STOML2: variants seen among roughly 807,000 people sequenced by gnomAD.
STOML2 encodes stomatin-like protein 2, mitochondrial.
In STOML2, 22 loss-of-function variants were observed where a neutral mutation model predicts 45.7. The observed-to-expected ratio is 0.48, with a 90% CI of 0.34 to 0.69. STOML2 has a LOEUF of 0.69. Among genes scored for constraint, STOML2 ranks in the 30% least tolerant of loss-of-function variants. The pLI is 0.01. For synonymous variants in STOML2, 181 were observed against 182.7 expected, an observed-to-expected ratio of 0.99 and a Z score of 0.08; for missense variants, 359 against 466.9, an observed-to-expected ratio of 0.77 and a Z score of 2.13.
In STOML2 at chr9:35,100,609, T is replaced by C; in HGVS notation, c.922A>G (p.Met308Val). The change falls in exon 9 of 10, where the codon ATG becomes GTG. Residue 308 changes from methionine (M) to valine (V), a missense_variant. Met to Val is a conservative substitution (Grantham distance 21). This residue lies in a region of STOML2 where 285 missense variants were observed against 422.0 expected (regional missense o/e 0.68). Transcript: ENST00000356493. ...LPSNPGDVTS[M>V]VAQAMGVYGA... ...CAGAGAGCTCTAACCTGAGCCACCATGCTGGTGACATCGCCAGGGTTGGAG... is the reference window on the plus strand; with the variant it reads ...CAGAGAGCTCTAACCTGAGCCACCACGCTGGTGACATCGCCAGGGTTGGAG... 6.2e-7 allele frequency: 1 copy of C among 1,613,944 alleles called. No individual in the cohort carries two copies. The highest frequency in any genetic ancestry group is 8.5e-7 in the Non-Finnish European group (1 of 1,179,962).
At position 35,101,500 on chromosome 9, in the gene STOML2, C is replaced by A; in HGVS notation, c.505G>T (p.Gly169Cys). ...DAINQAADCWGIRCLRYEIKD... is the reference protein window; with the variant it reads ...DAINQAADCWCIRCLRYEIKD... ...ATCTCATAACGGAGGCAGCGGATAC[C>A]CCAGCAGTCAGCAGCTTGGTTGATG... Residue 169 changes from glycine (G) to cysteine (C), a missense_variant, in exon 6 of 10, where the codon GGT (glycine) becomes TGT (cysteine). Coordinates refer to ENST00000356493, the MANE Select transcript of STOML2 (RefSeq NM_013442.3). This position sits in a 1 kb window ranked among gnomAD's most constrained non-coding sequence, Gnocchi z 4.3. The A allele has an allele frequency of 6.2e-7, 1 of 1,614,062 alleles. No individual in the cohort carries two copies. The highest frequency in any genetic ancestry group is 8.5e-7 in the Non-Finnish European group (1 of 1,180,014).
chr9:35,101,448 A>C lies in STOML2; in HGVS notation c.557T>G (p.Val186Gly). Reference sequence around the variant, plus strand: ...CACCTGCATCTGCATAGACTCTTTCACCCGGGGTGGCACATGGATATCCTT... The same window carrying C: ...CACCTGCATCTGCATAGACTCTTTCCCCCGGGGTGGCACATGGATATCCTT... The part of the protein sequence containing the change: ...EIKDIHVPPR[V>G]KESMQMQVEA... Residue 186 changes from valine (V) to glycine (G), a missense_variant, in exon 6 of 10, where the codon GTG (valine) becomes GGG (glycine). This residue lies in a region of STOML2 where 285 missense variants were observed against 422.0 expected (regional missense o/e 0.68). Transcript: ENST00000356493. This position sits in a 1 kb window ranked among gnomAD's most constrained non-coding sequence, Gnocchi z 4.3. 6.2e-7 allele frequency: 1 copy of C among 1,613,644 alleles called. No individual in the cohort carries two copies. Among genetic ancestry groups the C allele is most frequent in the Non-Finnish European group, 8.5e-7 (1 of 1,179,954 alleles).
Position 35,102,571 on chromosome 9 carries a change from C to A in STOML2, c.183+115G>T. ...CAGCCTGGGCCCTGTCAGGTCTGGCCTACAGAGTCGGGAGCTAACAGTGCG... is the reference window on the plus strand; with the variant it reads ...CAGCCTGGGCCCTGTCAGGTCTGGCATACAGAGTCGGGAGCTAACAGTGCG... On this transcript the variant is annotated intron_variant, in intron 2 of 9. Transcript: ENST00000356493. The surrounding 1 kb of genome is among the most constrained non-coding windows in gnomAD (Gnocchi z 4.8). 6.6e-7 allele frequency: 1 copy of A among 1,512,588 alleles called. No individual in the cohort carries two copies. Among genetic ancestry groups the A allele is most frequent in the Admixed American group, 2.1e-5 (1 of 47,534 alleles). 93.7% of individuals were successfully genotyped at this position (1,512,588 alleles called of 1,614,324 possible).
chr9:35,101,196 C>A lies in STOML2; in HGVS notation c.663G>T (p.Lys221Asn). The change falls in exon 7 of 10, where the codon AAG becomes AAT. Residue 221 changes from lysine (K) to asparagine (N), a missense_variant. This residue lies in a region of STOML2 where 285 missense variants were observed against 422.0 expected (regional missense o/e 0.68). Transcript: ENST00000356493. The surrounding 1 kb of genome is among the most constrained non-coding windows in gnomAD (Gnocchi z 4.3). Reference protein sequence around the residue: ...RESAINVAEGKKQAQILASEA... With the variant: ...RESAINVAEGNKQAQILASEA... ...CGGAGGCCAGGATCTGGGCCTGTTTCTTCCCTTCTGCCACATTGATGGCCG... is the reference window on the plus strand; with the variant it reads ...CGGAGGCCAGGATCTGGGCCTGTTTATTCCCTTCTGCCACATTGATGGCCG... 6.2e-7 allele frequency: 1 copy of A among 1,614,244 alleles called. No individual in the cohort carries two copies. The highest frequency in any genetic ancestry group is 8.5e-7 in the Non-Finnish European group (1 of 1,180,046).
Position 35,101,844 on chromosome 9 carries a change from G to C in STOML2, c.343-33C>G. ...GGACACGGATAGTGTAAGAAGCTTG[G>C]GCACAAGATTTTAGTGAAGAGGGCA... On this transcript the variant is annotated intron_variant, in intron 4 of 9. Transcript: ENST00000356493. This position sits in a 1 kb window ranked among gnomAD's most constrained non-coding sequence, Gnocchi z 4.3. 1 of 1,614,062 alleles carries C rather than the reference G, an allele frequency of 6.2e-7. No homozygotes were observed. Among genetic ancestry groups the C allele is most frequent in the Non-Finnish European group, 8.5e-7 (1 of 1,179,982 alleles).
chr9:35,100,096 C>G lies in STOML2; in HGVS notation c.1010G>C (p.Arg337Thr). The G allele has an allele frequency of 6.2e-7, 1 of 1,614,198 alleles. No homozygotes were observed. Among genetic ancestry groups the G allele is most frequent in the Non-Finnish European group, 8.5e-7 (1 of 1,180,032 alleles). ...ACTTGCATCTGTACCCTGGACATCT[C>G]TGCTGCTCCCACTGGAGAGTGAGTC... ...TPDSLSSGSS[R>T]DVQGTDASLD... Residue 337 changes from arginine (R) to threonine (T), a missense_variant, in exon 10 of 10, where the codon AGA becomes ACA. This residue lies in a region of STOML2 where 285 missense variants were observed against 422.0 expected (regional missense o/e 0.68). Coordinates refer to ENST00000356493, the MANE Select transcript of STOML2 (RefSeq NM_013442.3).
intron 8 of STOML2, 74 bp from the exon 9 acceptor site, chr9:35,100,800 C>G: frequency 6.2e-7 from 1 of 1,612,556 alleles, no homozygotes; most frequent in Non-Finnish European, 8.5e-7. Flanking sequence ...ATGAAGAAAG[C>G]AGTTCACAAT....
At position 35,102,212 on chromosome 9, in the gene STOML2, G is replaced by T; in HGVS notation, c.184-18C>A. On this transcript the variant is annotated intron_variant, in intron 2 of 9. Coordinates refer to ENST00000356493, the MANE Select transcript of STOML2 (RefSeq NM_013442.3). The surrounding 1 kb of genome is among the most constrained non-coding windows in gnomAD (Gnocchi z 4.8). ...TTCAAACCCTGGAAAGAGGAGTCATGGGTCCTCAGAAGGCTGGGAACTATT... is the reference window on the plus strand; with the variant it reads ...TTCAAACCCTGGAAAGAGGAGTCATTGGTCCTCAGAAGGCTGGGAACTATT... 1 of 1,610,074 alleles carries T rather than the reference G, an allele frequency of 6.2e-7. No individual in the cohort carries two copies. The highest frequency in any genetic ancestry group is 1.1e-5 in the South Asian group (1 of 90,962).
intron 9 of STOML2, 145 bp downstream of exon 9, chr9:35,100,453 T>C: frequency 2.6e-6 from 3 of 1,151,156 alleles, no homozygotes; most frequent in South Asian, 2.9e-5. Context: ...CATTCTTAGA[T>C]TCCATCTCTA....
rs1237198318 is a variant in STOML2 at position 35,102,762 on chromosome 9, G to C, written c.107C>G (p.Thr36Ser). The C allele has an allele frequency of 2.9e-5, 46 of 1,614,006 alleles. No individual in the cohort carries two copies. The highest frequency in any genetic ancestry group is 3.9e-5 in the Non-Finnish European group (46 of 1,180,046). ...RRASSGLPRN[T>S]VVLFVPQQEA... ...CTGCTGCGGCACGAACAGTACCACG[G>C]TGTTTCGGGGCAATCCAGAGGAGGC... The change falls in exon 2 of 10, where the codon ACC (threonine) becomes AGC (serine). Residue 36 changes from threonine to serine, a missense_variant. Physicochemically the swap from Thr to Ser is moderately conservative, Grantham distance 58. This residue lies in a region of STOML2 where 285 missense variants were observed against 422.0 expected (regional missense o/e 0.68). Coordinates refer to ENST00000356493, the MANE Select transcript of STOML2 (RefSeq NM_013442.3). This position sits in a 1 kb window ranked among gnomAD's most constrained non-coding sequence, Gnocchi z 4.8.
At chr9:35,100,324 G>T in intron 9 of STOML2, 152 bp from the exon 10 acceptor site, 2 of 1,098,788 alleles carry the variant, frequency 1.8e-6, no homozygotes, top group Non-Finnish European at 2.6e-6. Flanking sequence ...CTCTGGAGTT[G>T]ATTTTAGGAA....
Position 35,101,899 on chromosome 9 carries a change from G to A in STOML2, c.342+5C>T. 1.2e-6 allele frequency: 2 copies of A among 1,614,174 alleles called. No homozygotes were observed. Among genetic ancestry groups the A allele is most frequent in the South Asian group, 1.1e-5 (1 of 91,080 alleles). ...AAAAGGCTGGATAAAGTAGGGGACA[G>A]GTACCTTGTAAGGGTCCATGATGCG... On this transcript the variant is annotated splice_donor_5th_base_variant and intron_variant, in intron 4 of 9. Coordinates refer to ENST00000356493, the MANE Select transcript of STOML2 (RefSeq NM_013442.3). The surrounding 1 kb of genome is among the most constrained non-coding windows in gnomAD (Gnocchi z 4.3).
chr9:35,101,855 T>C lies in STOML2; in HGVS notation c.343-44A>G. 6.2e-7 allele frequency: 1 copy of C among 1,614,046 alleles called. No homozygotes were observed. Among genetic ancestry groups the C allele is most frequent in the Non-Finnish European group, 8.5e-7 (1 of 1,179,978 alleles). ...GTGTAAGAAGCTTGGGCACAAGATT[T>C]TAGTGAAGAGGGCAACTCAAAAGGC... On this transcript the variant is annotated intron_variant, in intron 4 of 9. Transcript: ENST00000356493. This position sits in a 1 kb window ranked among gnomAD's most constrained non-coding sequence, Gnocchi z 4.3.
chr9:35,100,511 T>C, intron 9 of STOML2, 87 bp downstream of exon 9: 2 of 1,572,898 alleles, frequency 1.3e-6, no homozygotes, highest in South Asian at 1.1e-5. Flanking sequence ...AAGACCTTTA[T>C]GGTATGTAAG....
chr9:35,101,278 A>C lies in STOML2; in HGVS notation c.581T>G (p.Val194Gly), dbSNP rs1273850773. The C allele has an allele frequency of 6.2e-7, 1 of 1,613,990 alleles. No homozygotes were observed. Among genetic ancestry groups the C allele is most frequent in the Non-Finnish European group, 8.5e-7 (1 of 1,180,006 alleles). ...GGCCCGTTTCCGCCGCTCTGCCTCC[A>C]CCTGGAAGCCCACAACAATCCCAAT... ...PRVKESMQMQVEAERRKRATV... is the reference protein window; with the variant it reads ...PRVKESMQMQGEAERRKRATV... Residue 194 changes from valine to glycine, a missense_variant and splice_region_variant, in exon 7 of 10, where the codon GTG (valine) becomes GGG (glycine). By Grantham distance (109) the Val-to-Gly change is moderately radical. This residue lies in a region of STOML2 where 285 missense variants were observed against 422.0 expected (regional missense o/e 0.68). Transcript: ENST00000356493. This position sits in a 1 kb window ranked among gnomAD's most constrained non-coding sequence, Gnocchi z 4.3.
At position 35,102,420 on chromosome 9, in the gene STOML2, G is replaced by A. The variant is rs1290714311; in HGVS notation, c.184-226C>T. ...AATGGAGGGGAGAGTCATGAGAATCGGAGCCAGCAGAATAGCCATCTCTAT... is the reference window on the plus strand; with the variant it reads ...AATGGAGGGGAGAGTCATGAGAATCAGAGCCAGCAGAATAGCCATCTCTAT... On this transcript the variant is annotated intron_variant, in intron 2 of 9. Coordinates refer to ENST00000356493, the MANE Select transcript of STOML2 (RefSeq NM_013442.3). The surrounding 1 kb of genome is among the most constrained non-coding windows in gnomAD (Gnocchi z 4.8). 5 of 655,988 alleles carry A rather than the reference G, an allele frequency of 7.6e-6. No homozygotes were observed. The highest frequency in any genetic ancestry group is 2.7e-5 in the East Asian group (1 of 36,714). The allele number at this position is 655,988 out of a possible 1,614,324, so 40.6% of individuals were successfully genotyped here. A position where few individuals can be genotyped will look rare whatever the true frequency, so the allele number is the denominator to read the frequency against.
chr9:35,100,211 G>GA (rs1829788314), intron 9 of STOML2, 39 bp from the exon 10 acceptor site: 2 of 1,607,136 alleles, frequency 1.2e-6, no homozygotes, highest in Admixed American at 1.7e-5. Flanking sequence ...GAGGACACTT[G>GA]ACAGAGGTGC....
chr9:35,100,895 C>A (rs1483025396), intron 8 of STOML2, 37 bp downstream of exon 8: 1 of 1,613,928 alleles, frequency 6.2e-7, no homozygotes, highest in Non-Finnish European at 8.5e-7. Context: ...CTTCCACTGT[C>A]AATTCCTGTC....
In STOML2 at chr9:35,102,591, A is replaced by G; in HGVS notation, c.183+95T>C. 6.5e-7 allele frequency: 1 copy of G among 1,545,114 alleles called. No homozygotes were observed. On this transcript the variant is annotated intron_variant, in intron 2 of 9. Coordinates refer to ENST00000356493, the MANE Select transcript of STOML2 (RefSeq NM_013442.3). The surrounding 1 kb of genome is among the most constrained non-coding windows in gnomAD (Gnocchi z 4.8). ...CTGGCCTACAGAGTCGGGAGCTAAC[A>G]GTGCGGGCAGGCCCAAAGGAAGTCC...
Sources: allele counts gnomAD v4.1 joint callset, GRCh38; gene constraint gnomAD v4.1.1; regional missense constraint gnomAD v4.1.1; non-coding constraint Gnocchi (gnomAD v3.1); transcripts MANE v1.5; gene names NCBI Gene and HGNC (gene_info 2026-07-23, HGNC 2026-07-21).